The following AP3M1 variants were observed in gnomAD, a reference collection of about 807,000 sequenced individuals.
AP3M1 encodes adaptor related protein complex 3 subunit mu 1.
Under a neutral mutation model 42.6 loss-of-function variants are expected in AP3M1, and 29 were observed. That is an observed-to-expected ratio of 0.68 (90% CI 0.51 to 0.93). AP3M1 has a LOEUF of 0.93. Among genes scored for constraint, AP3M1 ranks in the 40% least tolerant of loss-of-function variants. The probability of loss-of-function intolerance (pLI) is 0.00; values close to 1 mark genes in which losing one functional copy is unlikely to be tolerated. For missense variants in AP3M1, 416 were observed against 510.2 expected (o/e 0.82, Z 1.78); for synonymous variants, 178 against 175.3 (o/e 1.02, Z -0.12).
chr10:74,145,553 C>T (rs148184380), intron 1 of AP3M1, among the ~76,000 whole-genome samples: 7 of 152,252 alleles, frequency 4.6e-5, no homozygotes, highest in East Asian at 3.9e-4. Flanking sequence ...CTTTATTTAT[C>T]GTCCTTTTGG....
chr10:74,139,465 C>A (rs369540914), intron 1 of AP3M1, among the ~76,000 whole-genome samples: 39 of 134,758 alleles, frequency 2.9e-4, no homozygotes, highest in East Asian at 8.2e-4. Context: ...AAAAAAAAAA[C>A]AAAACAAAAC....
Position 74,123,831 on chromosome 10 carries a change from T to A in AP3M1, c.1236A>T (p.Gly412=). The A allele has an allele frequency of 6.2e-7, 1 of 1,614,198 alleles. No homozygotes were observed. Among genetic ancestry groups the A allele is most frequent in the East Asian group, 2.2e-5 (1 of 44,874 alleles). The change falls in exon 9 of 9, where the codon GGA becomes GGT. Residue 412 remains glycine, a synonymous_variant. Coordinates refer to ENST00000355264, the MANE Select transcript of AP3M1 (RefSeq NM_012095.6). The part of the protein sequence containing the change: ...FKGVKYVTKA[G]KFQVRT ...CTTCTCATGTCCTCACTTGGAACTT[T>A]CCAGCTTTCGTGACGTATTTGACTC...
chr10:74,128,976 T>C lies in AP3M1; in HGVS notation c.803+132A>G, dbSNP rs1181001996. On this transcript the variant is annotated intron_variant, in intron 6 of 8. Coordinates refer to ENST00000355264, the MANE Select transcript of AP3M1 (RefSeq NM_012095.6). ...GGTGCGTATTTTCACCCGTTCTCAC[T>C]GGGTCTCCTGGTGAGCTATGGTTAA... The C allele has an allele frequency of 2.7e-5, 29 of 1,055,500 alleles. No homozygotes were observed. The South Asian group carries it at 3.1e-4, about 11-fold the overall frequency. The allele number at this position is 1,055,500 out of a possible 1,614,324, so 65.4% of individuals were successfully genotyped here.
chr10:74,137,634 T>C (rs1219917700), intron 2 of AP3M1, among the ~76,000 whole-genome samples: 3 of 152,204 alleles, frequency 2.0e-5, no homozygotes, highest in African/African-American at 4.8e-5. Context: ...GATACCAAAG[T>C]TCACAATTCT....
At chr10:74,150,135 A>G (rs576903861) in intron 1 of AP3M1, among the ~76,000 whole-genome samples, 23 of 152,274 alleles carry the variant, frequency 1.5e-4, no homozygotes, top group Admixed American at 6.5e-4. Context: ...GTCTTTCTAC[A>G]ATCTCCATGT....
intron 1 of AP3M1, among the ~76,000 whole-genome samples, chr10:74,141,751 C>T (rs1323716165): frequency 7.1e-5 from 10 of 140,218 alleles, no homozygotes; most frequent in African/African-American, 2.4e-4. Flanking sequence ...CTTACACTGT[C>T]GCCCAGGCTG....
chr10:74,143,812 C>T (rs999695908), intron 1 of AP3M1, among the ~76,000 whole-genome samples: 2 of 152,190 alleles, frequency 1.3e-5, no homozygotes, highest in African/African-American at 2.4e-5. Flanking sequence ...ATTAGGAACA[C>T]GTTCTAATAC....
At chr10:74,127,119 G>C (rs557292998) in intron 6 of AP3M1, among the ~76,000 whole-genome samples, 1 of 152,102 alleles carries the variant, frequency 6.6e-6, no homozygotes, top group Non-Finnish European at 1.5e-5. Context: ...AAAGTATACA[G>C]GAGGATGTGC....
chr10:74,140,738 T>C (rs1841120612), intron 1 of AP3M1, among the ~76,000 whole-genome samples: 1 of 152,200 alleles, frequency 6.6e-6, no homozygotes, highest in Non-Finnish European at 1.5e-5. Context: ...CTTACATTTA[T>C]GGTCAACTGA....
At chr10:74,130,350 A>G (rs1324014384) in intron 4 of AP3M1, among the ~76,000 whole-genome samples, 1 of 152,206 alleles carries the variant, frequency 6.6e-6, no homozygotes, top group African/African-American at 2.4e-5. Context: ...TGGCTGGAAT[A>G]TAATAATAAT....
At chr10:74,127,068 G>C (rs1170128538) in intron 6 of AP3M1, among the ~76,000 whole-genome samples, 1 of 149,436 alleles carries the variant, frequency 6.7e-6, no homozygotes, top group Non-Finnish European at 1.5e-5. Context: ...TATTTACACA[G>C]TGTTTACAGT....
At chr10:74,125,746 A>G (rs905933703) in intron 7 of AP3M1, among the ~76,000 whole-genome samples, 2 of 152,272 alleles carry the variant, frequency 1.3e-5, no homozygotes, top group African/African-American at 4.8e-5. Flanking sequence ...CTTTTAAATT[A>G]TAAAGGAAGA....
intron 4 of AP3M1, among the ~76,000 whole-genome samples, chr10:74,130,615 A>AC (rs1381082048): frequency 6.6e-6 from 1 of 150,850 alleles, no homozygotes; most frequent in Non-Finnish European, 1.5e-5. Flanking sequence ...TAATTTTTGT[A>AC]TTTTTTTTGT....
chr10:74,132,352 T>C (rs1385220192), intron 4 of AP3M1, among the ~76,000 whole-genome samples: 1 of 152,040 alleles, frequency 6.6e-6, no homozygotes, highest in Non-Finnish European at 1.5e-5. Context: ...TTTTTAATAA[T>C]AAAATTTTAC....
intron 3 of AP3M1, 61 bp downstream of exon 3, chr10:74,136,568 CAAT>C: frequency 7.9e-7 from 1 of 1,268,638 alleles, no homozygotes; most frequent in South Asian, 2.2e-5. Flanking sequence ...AGATCATGAG[CAAT>C]AATGAGTTGT....
At chr10:74,138,018 C>G (rs1840998605) in intron 2 of AP3M1, 89 bp downstream of exon 2, 11 of 1,373,340 alleles carry the variant, frequency 8.0e-6, no homozygotes, top group Non-Finnish European at 1.1e-5. Flanking sequence ...CAGTAAACAT[C>G]AAAACCTGGG....
At chr10:74,126,872 G>C (rs1840631309) in intron 6 of AP3M1, among the ~76,000 whole-genome samples, 1 of 148,500 alleles carries the variant, frequency 6.7e-6, no homozygotes, top group Non-Finnish European at 1.5e-5. Context: ...TTGGAAGCCT[G>C]AGGCAGGAGA....
At chr10:74,148,976 G>A (rs1012917587) in intron 1 of AP3M1, among the ~76,000 whole-genome samples, 10 of 151,508 alleles carry the variant, frequency 6.6e-5, no homozygotes, top group Admixed American at 1.3e-4. Flanking sequence ...GGGTTCAAGC[G>A]ATTCTCCTGC....
At chr10:74,142,508 T>C (rs1332100126) in intron 1 of AP3M1, among the ~76,000 whole-genome samples, 1 of 152,262 alleles carries the variant, frequency 6.6e-6, no homozygotes, top group Non-Finnish European at 1.5e-5. Context: ...TACTAAGATA[T>C]GTTTTAGTAA....
Sources: gnomAD v4.1 joint callset for allele counts (sites outside exome capture counted in the v4.1 genomes callset) on GRCh38, gnomAD v4.1.1 for gene constraint, MANE v1.5 for transcripts, NCBI Gene and HGNC (gene_info 2026-07-23, HGNC 2026-07-21) for gene names.